Variants in SOS2 observed in about 807,000 individuals in gnomAD.
SOS2 encodes the protein SOS Ras/Rho guanine nucleotide exchange factor 2.
SOS2 carries 65 observed loss-of-function variants against 148.2 expected under a neutral mutation model. The ratio of observed to expected loss-of-function variants is 0.44; its 90% CI spans 0.36 to 0.54. The LOEUF is 0.54. Among genes scored for constraint, SOS2 ranks in the 20% least tolerant of loss-of-function variants. The pLI is 0.00. For synonymous variants in SOS2, 539 were observed against 537.1 expected (o/e 1.00, Z -0.05); for missense variants, 1,341 against 1,590.2 (o/e 0.84, Z 2.67).
chr14:50,134,220 T>A lies in SOS2; in HGVS notation c.2978A>T (p.Asn993Ile), dbSNP rs776000121. ...PDMRRFFENLNPMGSASEKEF... is the reference protein window; with the variant it reads ...PDMRRFFENLIPMGSASEKEF... The stretch of plus-strand genomic sequence containing the variant: ...TTTTTCAGATGCACTTCCCATGGGG[T>A]TAAGGTTTTCAAAGAATCTCTGGAA... The change falls in exon 19 of 23, where the codon AAC becomes ATC. Residue 993 changes from asparagine to isoleucine, a missense_variant. Physicochemically the swap from Asn to Ile is moderately radical, Grantham distance 149 (BLOSUM62 -3). Coordinates refer to ENST00000216373, the MANE Select transcript of SOS2 (RefSeq NM_006939.4). The A allele has an allele frequency of 1.5e-5, 23 of 1,573,666 alleles. No individual in the cohort carries two copies. The highest frequency in any genetic ancestry group is 1.9e-5 in the Non-Finnish European group (22 of 1,147,786).
intron 2 of SOS2, among the ~76,000 whole-genome samples, chr14:50,203,956 C>G (rs1046160845): frequency 1.3e-5 from 2 of 151,972 alleles, no homozygotes; most frequent in African/African-American, 4.8e-5. Context: ...AGATATTTTC[C>G]AGAATTTTCT....
chr14:50,120,137 TTTTTCAAATATAACA>T (rs1883454447), intron 22 of SOS2, 123 bp downstream of exon 22: 1 of 579,068 alleles, frequency 1.7e-6, no homozygotes, highest in South Asian at 2.4e-5. Context: ...ACTAAAAGTA[TTTTTCAAATATAACA>T]ACCCAAATGC....
At chr14:50,214,131 G>A (rs936230244) in intron 1 of SOS2, among the ~76,000 whole-genome samples, 15 of 151,988 alleles carry the variant, frequency 9.9e-5, no homozygotes, top group East Asian at 3.9e-4. Flanking sequence ...TTTGCAGAGC[G>A]AATTATCTTT....
chr14:50,139,040 A>C (rs1405028974), intron 17 of SOS2, among the ~76,000 whole-genome samples: 1 of 152,138 alleles, frequency 6.6e-6, no homozygotes, highest in Admixed American at 6.5e-5. Flanking sequence ...TAATCTAAGA[A>C]ATGGCAAATT....
In SOS2 at chr14:50,126,533, G is replaced by A. The variant is rs8012987; in HGVS notation, c.3379+3428C>T. Among the ~76,000 whole-genome samples the A allele has an allele frequency of 9.5e-3, 1,446 of 152,076 alleles. 21 individuals are homozygous for A. Among genetic ancestry groups the A allele is most frequent in the African/African-American group, 0.033 (1,378 of 41,460 alleles). On this transcript the variant is annotated intron_variant, in intron 21 of 22. Coordinates refer to ENST00000216373, the MANE Select transcript of SOS2 (RefSeq NM_006939.4). ...AAAAATACTATAATTATTATCCTAA[G>A]AGAGATAAGACAGTGCATCCATGAA...
intron 4 of SOS2, among the ~76,000 whole-genome samples, chr14:50,197,941 C>T (rs543276881): frequency 2.2e-4 from 34 of 151,336 alleles, no homozygotes; most frequent in African/African-American, 8.0e-4. Flanking sequence ...CTGCCCGCCT[C>T]AGCCTCCCAA....
intron 21 of SOS2, among the ~76,000 whole-genome samples, chr14:50,122,390 GCT>G (rs1491382112): frequency 1.7e-5 from 1 of 60,556 alleles, no homozygotes; most frequent in African/African-American, 8.2e-5. Context: ...AGAACCCTGG[GCT>G]TTTTTTTTTT....
intron 18 of SOS2, among the ~76,000 whole-genome samples, chr14:50,135,021 C>T (rs945041147): frequency 2.3e-5 from 3 of 130,642 alleles, no homozygotes; most frequent in Non-Finnish European, 3.1e-5. Flanking sequence ...TGAGGTGAAC[C>T]GAGATCACAC....
chr14:50,200,601 C>A (rs1269787471), intron 3 of SOS2, among the ~76,000 whole-genome samples: 1 of 26,020 alleles, frequency 3.8e-5, no homozygotes, highest in African/African-American at 4.6e-4. Context: ...TATCCTAGCA[C>A]TTTGGGAGGC....
chr14:50,142,771 A>T (rs1400706210), intron 16 of SOS2, among the ~76,000 whole-genome samples: 1 of 152,222 alleles, frequency 6.6e-6, no homozygotes, highest in Non-Finnish European at 1.5e-5. Flanking sequence ...TGCTGCAGTA[A>T]CTATATCTTT....
chr14:50,124,274 T>C (rs1301262266), intron 21 of SOS2, among the ~76,000 whole-genome samples: 2 of 152,002 alleles, frequency 1.3e-5, no homozygotes, highest in Non-Finnish European at 2.9e-5. Flanking sequence ...GTCAATAGTT[T>C]GGGAAGGTGA....
rs375702667 is a variant in SOS2, at chr14:50,150,240, G to A, written c.2162-10C>T. The A allele has an allele frequency of 3.3e-4, 501 of 1,533,122 alleles. 3 individuals carry two copies. The highest frequency in any genetic ancestry group is 3.4e-4 in the Middle Eastern group (2 of 5,920). 95.0% of individuals were successfully genotyped at this position (1,533,122 alleles called of 1,614,324 possible). On this transcript the variant is annotated splice_polypyrimidine_tract_variant and intron_variant, in intron 13 of 22. Transcript: ENST00000216373. The stretch of plus-strand genomic sequence containing the variant: ...TTTTTCATAGCTTTCCCTGGAAAAA[G>A]AACACATAAAGAAAAATGTCTTTTA...
chr14:50,143,675 C>T (rs528594446), intron 16 of SOS2, among the ~76,000 whole-genome samples: 1 of 152,254 alleles, frequency 6.6e-6, no homozygotes, highest in Admixed American at 6.5e-5. Flanking sequence ...CTCCTGACCT[C>T]AGGTGATCCA....
chr14:50,205,909 CAAAA>C (rs34451226), intron 1 of SOS2, among the ~76,000 whole-genome samples: 1 of 135,550 alleles, frequency 7.4e-6, no homozygotes, highest in Non-Finnish European at 1.6e-5. Flanking sequence ...AACTCCATCT[CAAAA>C]AAAAAAAAAA....
intron 4 of SOS2, among the ~76,000 whole-genome samples, chr14:50,194,738 A>G (rs1461159516): frequency 6.7e-6 from 1 of 149,688 alleles, no homozygotes; most frequent in Non-Finnish European, 1.5e-5. Context: ...AGATCACGCC[A>G]CTGCGCTCCA....
At chr14:50,224,293 G>T (rs1289996080) in intron 1 of SOS2, among the ~76,000 whole-genome samples, 5 of 87,084 alleles carry the variant, frequency 5.7e-5, no homozygotes, top group East Asian at 6.2e-4. Context: ...TCCGTCTCAG[G>T]AAAAAAAAAA....
chr14:50,209,755 CA>C (rs34379246), intron 1 of SOS2, among the ~76,000 whole-genome samples: 11 of 146,708 alleles, frequency 7.5e-5, no homozygotes, highest in Admixed American at 1.4e-4. Flanking sequence ...GACCTTGTCT[CA>C]AAAAAAAAAA....
At chr14:50,199,878 A>C in intron 3 of SOS2, 23 bp from the exon 4 acceptor site, 1 of 1,473,076 alleles carries the variant, frequency 6.8e-7, no homozygotes. Context: ...TAAATAATTT[A>C]ATTGCAAAAT....
Position 50,118,453 on chromosome 14 carries a change from T to C in SOS2, c.3890A>G (p.Asn1297Ser). Residue 1297 changes from asparagine to serine, a missense_variant, in exon 23 of 23, where the codon AAT (asparagine) becomes AGT (serine). Around this residue, in one of 4 missense-constraint regions of SOS2, gnomAD observed 354 missense variants for 347.7 expected, o/e 1.02. Transcript: ENST00000216373. ...CAGTTTTGGCAGATGAGGGCTTGAATTCTGCCTTGGTGGAACAGGGGGAGC... is the reference window on the plus strand; with the variant it reads ...CAGTTTTGGCAGATGAGGGCTTGAACTCTGCCTTGGTGGAACAGGGGGAGC... Reference protein sequence around the residue: ...PPAPPVPPRQNSSPHLPKLPP... With the variant: ...PPAPPVPPRQSSSPHLPKLPP... 6.2e-7 allele frequency: 1 copy of C among 1,614,156 alleles called. No individual in the cohort carries two copies. The highest frequency in any genetic ancestry group is 1.1e-5 in the South Asian group (1 of 91,072).
Sources: gnomAD v4.1 joint callset for allele counts (sites outside exome capture counted in the v4.1 genomes callset) on GRCh38, gnomAD v4.1.1 for gene constraint, gnomAD v4.1.1 regional missense constraint, MANE v1.5 for transcripts, NCBI Gene and HGNC (gene_info 2026-07-23, HGNC 2026-07-21) for gene names.